PRELID2: variants seen among roughly 807,000 people sequenced by gnomAD.
PRELID2 encodes the protein PRELI domain containing 2, also known as PRELI domain-containing protein 2.
PRELID2 carries 25 observed loss-of-function variants against 28.4 expected under a neutral mutation model. The ratio of observed to expected loss-of-function variants is 0.88; its 90% CI spans 0.64 to 1.23. The LOEUF (loss-of-function observed/expected upper bound fraction) is 1.23. Among genes scored for constraint, PRELID2 ranks in the 50% most tolerant of loss-of-function variants. The pLI is 0.00. For synonymous variants in PRELID2, 76 were observed against 71.6 expected, an observed-to-expected ratio of 1.06 and a Z score of -0.31; for missense variants, 201 against 214.4, an observed-to-expected ratio of 0.94 and a Z score of 0.39.
At position 145,493,535 on chromosome 5, in the gene PRELID2, T is replaced by C. The variant is rs181443248; in HGVS notation, n.71-20220A>G. 2.0e-3 allele frequency among the ~76,000 whole-genome samples: 297 copies of C among 152,304 alleles called. 3 individuals carry two copies. The highest frequency in any genetic ancestry group is 3.2e-3 in the Non-Finnish European group (220 of 68,032). Reference sequence around the variant, plus strand: ...ACACTGTAGCATGGCTTTTAAAATCTTACATGGTCTTCCTACCTGTACCCC... The same window carrying C: ...ACACTGTAGCATGGCTTTTAAAATCCTACATGGTCTTCCTACCTGTACCCC... On this transcript the variant is annotated intron_variant and non_coding_transcript_variant, in intron 1 of 2. Transcript: ENST00000510259.
chr5:145,679,125 C>T (rs747135929), intron 1 of PRELID2, among the ~76,000 whole-genome samples: 9 of 152,200 alleles, frequency 5.9e-5, no homozygotes, highest in Non-Finnish European at 8.8e-5. Flanking sequence ...CTGCTTATCA[C>T]TAATAAACTC....
the PRELID2 span, among the ~76,000 whole-genome samples, chr5:145,292,801 G>A: frequency 6.6e-6 from 1 of 151,930 alleles, no homozygotes; most frequent in African/African-American, 2.4e-5. Context: ...TAAATATTCT[G>A]GGCTCAAGTG....
chr5:145,557,844 T>C (rs1483599715), intron 1 of PRELID2, among the ~76,000 whole-genome samples: 6 of 152,318 alleles, frequency 3.9e-5, no homozygotes, highest in Admixed American at 3.9e-4. Context: ...CTCTATACTT[T>C]TATCTACTAT....
chr5:145,277,971 G>A, the PRELID2 span, among the ~76,000 whole-genome samples: 36 of 152,182 alleles, frequency 2.4e-4, no homozygotes, highest in African/African-American at 5.8e-4. Context: ...GTCTGCTTCC[G>A]GGAAACCCAG....
intron 3 of PRELID2, among the ~76,000 whole-genome samples, chr5:145,818,810 T>C (rs1435399780): frequency 6.6e-6 from 1 of 152,214 alleles, no homozygotes; most frequent in South Asian, 2.1e-4. Flanking sequence ...AGCACAGCAA[T>C]TTAATTTGCA....
At chr5:145,453,473 T>A in the PRELID2 span, among the ~76,000 whole-genome samples, 1 of 152,198 alleles carries the variant, frequency 6.6e-6, no homozygotes, top group Non-Finnish European at 1.5e-5. Context: ...TTATTTATAT[T>A]TTTATTCTAC....
At chr5:145,397,261 G>A in the PRELID2 span, among the ~76,000 whole-genome samples, 2 of 152,178 alleles carry the variant, frequency 1.3e-5, no homozygotes, top group Non-Finnish European at 1.5e-5. Flanking sequence ...GACATTTCAG[G>A]TAGAATTAGG....
intron 1 of PRELID2, among the ~76,000 whole-genome samples, chr5:145,494,261 G>C (rs1303310723): frequency 2.0e-5 from 3 of 152,070 alleles, no homozygotes; most frequent in Non-Finnish European, 1.5e-5. Context: ...TGCTGAAAAA[G>C]AATTAGTTCA....
chr5:145,689,618 C>G (rs1755104491), intron 1 of PRELID2, among the ~76,000 whole-genome samples: 2 of 152,168 alleles, frequency 1.3e-5, no homozygotes, highest in South Asian at 4.1e-4. Flanking sequence ...CCATAAATAC[C>G]TTCCTGACAG....
chr5:145,229,180 A>G, the PRELID2 span: 2 of 896,936 alleles, frequency 2.2e-6, no homozygotes, highest in Non-Finnish European at 3.8e-6. Context: ...AGAAAGGGGA[A>G]CGATCAGGTC....
chr5:145,761,323 T>C (rs1392676230), intron 6 of PRELID2, among the ~76,000 whole-genome samples: 2 of 152,220 alleles, frequency 1.3e-5, no homozygotes, highest in Non-Finnish European at 2.9e-5. Context: ...GTCTACTCCA[T>C]TGTGTACGCG....
intron 1 of PRELID2, among the ~76,000 whole-genome samples, chr5:145,506,166 G>A (rs1393748297): frequency 6.6e-6 from 1 of 152,142 alleles, no homozygotes; most frequent in African/African-American, 2.4e-5. Context: ...ACCCACAAGA[G>A]CCTGTATGAT....
At chr5:145,309,614 TAAC>T in the PRELID2 span, among the ~76,000 whole-genome samples, 9 of 152,238 alleles carry the variant, frequency 5.9e-5, no homozygotes, top group African/African-American at 2.2e-4. Context: ...CTACTCTCAC[TAAC>T]AACAATAGCT....
At chr5:145,730,611 T>C (rs1756311267) in intron 1 of PRELID2, among the ~76,000 whole-genome samples, 2 of 152,152 alleles carry the variant, frequency 1.3e-5, no homozygotes, top group Non-Finnish European at 2.9e-5. Flanking sequence ...CATCACATCA[T>C]ATCACATCGC....
At chr5:145,762,075 C>A (rs1472018440) in intron 6 of PRELID2, among the ~76,000 whole-genome samples, 1 of 152,080 alleles carries the variant, frequency 6.6e-6, no homozygotes, top group African/African-American at 2.4e-5. Flanking sequence ...ATACATATAT[C>A]CCCTACTTTA....
chr5:145,726,575 A>G (rs1756173595), intron 1 of PRELID2, among the ~76,000 whole-genome samples: 1 of 152,260 alleles, frequency 6.6e-6, no homozygotes, highest in South Asian at 2.1e-4. Flanking sequence ...ATAGGCGAAT[A>G]TGTACAAGTA....
At chr5:145,350,948 T>C in the PRELID2 span, among the ~76,000 whole-genome samples, 1 of 152,220 alleles carries the variant, frequency 6.6e-6, no homozygotes, top group African/African-American at 2.4e-5. Flanking sequence ...ATATTCTGTG[T>C]AATGATAGTA....
intron 1 of PRELID2, among the ~76,000 whole-genome samples, chr5:145,568,880 A>G (rs1752991641): frequency 1.3e-5 from 2 of 152,304 alleles, no homozygotes; most frequent in South Asian, 4.1e-4. Flanking sequence ...CCACCCCACC[A>G]CCATCTCAGA....
chr5:145,534,661 C>T (rs1049659908), intron 1 of PRELID2, among the ~76,000 whole-genome samples: 1 of 151,952 alleles, frequency 6.6e-6, no homozygotes, highest in African/African-American at 2.4e-5. Flanking sequence ...AATTAAACAA[C>T]GTAATAAATG....
Sources: gnomAD v4.1 joint callset for allele counts (sites outside exome capture counted in the v4.1 genomes callset) on GRCh38, gnomAD v4.1.1 for gene constraint, MANE v1.5 for transcripts, NCBI Gene and HGNC (gene_info 2026-07-23, HGNC 2026-07-21) for gene names.